MICAL3: variants seen among roughly 807,000 people sequenced by gnomAD.
MICAL3 encodes the protein microtubule associated monooxygenase, calponin and LIM domain containing 3.
MICAL3 carries 62 observed loss-of-function variants against 207.4 expected under a neutral mutation model. The ratio of observed to expected loss-of-function variants is 0.30; its 90% CI spans 0.24 to 0.37. The LOEUF is 0.37. MICAL3 is among the 10% of genes least tolerant of loss of function. The pLI is 1.00. For synonymous variants in MICAL3, 1,077 were observed against 1,069.3 expected (o/e 1.01, Z -0.14); for missense variants, 2,368 against 2,635.6 (o/e 0.90, Z 2.22).
intron 18 of MICAL3, 148 bp from the exon 19 acceptor site, chr22:17,865,134 A>G (rs1926949493): frequency 1.7e-6 from 1 of 585,196 alleles, no homozygotes; most frequent in Non-Finnish European, 2.2e-6. Flanking sequence ...TATTTAAGAG[A>G]CAGGGCCTTG....
intron 1 of MICAL3, among the ~76,000 whole-genome samples, chr22:17,996,399 G>C (rs576272072): frequency 2.6e-5 from 4 of 151,326 alleles, no homozygotes; most frequent in Non-Finnish European, 5.9e-5. Context: ...AGCCGAGGTC[G>C]TGCCACTGCA....
chr22:17,855,297 C>T (rs1925776351), intron 19 of MICAL3, among the ~76,000 whole-genome samples: 1 of 152,212 alleles, frequency 6.6e-6, no homozygotes, highest in African/African-American at 2.4e-5. Context: ...CTATCCCTAA[C>T]CCTACAGAGG....
Position 17,823,047 on chromosome 22 carries a change from C to A in MICAL3, c.3207G>T (p.Glu1069Asp), listed in dbSNP as rs748498509. The A allele has an allele frequency of 6.2e-7, 1 of 1,610,654 alleles. No homozygotes were observed. The highest frequency in any genetic ancestry group is 8.5e-7 in the Non-Finnish European group (1 of 1,176,888). ...AGTCCACATCTTCCTCTAGGTCATT[C>A]TCATCCAATGGGGCTGCAAAGCAGA... The part of the protein sequence containing the change: ...ESSASGAPLD[E>D]NDLEEDVDSE... The change falls in exon 23 of 32, where the codon GAG becomes GAT. Residue 1069 changes from glutamate to aspartate, a missense_variant. Transcript: ENST00000441493.
In MICAL3 at chr22:17,820,977, T is replaced by C. The variant is rs557761309; in HGVS notation, c.3531+450A>G. ...ATAAATTTTAATAAATTTATATTTA[T>C]AAACATAAATTTTAATAAATTTATA... On this transcript the variant is annotated intron_variant, in intron 25 of 31. Coordinates refer to ENST00000441493, the MANE Select transcript of MICAL3 (RefSeq NM_015241.3). Among the ~76,000 whole-genome samples, 237 of 145,404 alleles carry C rather than the reference T, an allele frequency of 1.6e-3. 3 individuals are homozygous for C. The highest frequency in any genetic ancestry group is 5.8e-3 in the African/African-American group (230 of 39,994).
At chr22:17,874,064 G>A (rs1193177536) in intron 16 of MICAL3, among the ~76,000 whole-genome samples, 3 of 152,206 alleles carry the variant, frequency 2.0e-5, no homozygotes, top group African/African-American at 7.2e-5. Context: ...AGAAGCACCG[G>A]GCAGGGGGAA....
intron 1 of MICAL3, among the ~76,000 whole-genome samples, chr22:17,941,759 C>T (rs537849004): frequency 4.6e-5 from 7 of 152,308 alleles, no homozygotes; most frequent in African/African-American, 1.2e-4. Flanking sequence ...GAATCACTGA[C>T]GAACTTTAAA....
chr22:17,816,922 T>A (rs1921054547), intron 26 of MICAL3, 138 bp from the exon 27 acceptor site: 2 of 709,468 alleles, frequency 2.8e-6, no homozygotes, highest in Non-Finnish European at 2.4e-6. Flanking sequence ...CCATCCCCCA[T>A]CCTGGGGAGC....
At chr22:17,792,988 C>T (rs1011442547) in intron 29 of MICAL3, among the ~76,000 whole-genome samples, 3 of 151,832 alleles carry the variant, frequency 2.0e-5, no homozygotes, top group Non-Finnish European at 2.9e-5. Context: ...CCAGTGCGCC[C>T]GGCCACGGCG....
In MICAL3 at chr22:17,967,484, A is replaced by ACC. The variant is rs1556491217; in HGVS notation, c.-75+56796_-75+56797insGG. 2.9e-3 allele frequency among the ~76,000 whole-genome samples: 389 copies of ACC among 133,880 alleles called. 1 individual carries two copies. Among genetic ancestry groups the ACC allele is most frequent in the Middle Eastern group, 8.1e-3 (2 of 246 alleles). 87.8% of individuals were successfully genotyped at this position (133,880 alleles called of 152,430 possible). On this transcript the variant is annotated intron_variant, in intron 1 of 31. Transcript: ENST00000441493. ...TGCAAACACACACACACACACACAC[A>ACC]CACACACACCCACACACACCCACTC...
chr22:17,837,733 T>A (rs534195371), intron 20 of MICAL3, among the ~76,000 whole-genome samples: 30 of 152,226 alleles, frequency 2.0e-4, no homozygotes, highest in Non-Finnish European at 3.5e-4. Flanking sequence ...GGCGCTTGTG[T>A]GACTAAACCA....
At chr22:17,904,148 G>A (rs1931542793) in intron 3 of MICAL3, among the ~76,000 whole-genome samples, 2 of 152,308 alleles carry the variant, frequency 1.3e-5, no homozygotes, top group African/African-American at 2.4e-5. Context: ...AGGGCTCTGC[G>A]CCTCCTGCAA....
intron 1 of MICAL3, among the ~76,000 whole-genome samples, chr22:17,911,922 G>T (rs1041617252): frequency 2.2e-5 from 2 of 90,258 alleles, no homozygotes; most frequent in Admixed American, 2.0e-4. Flanking sequence ...ACATGCCTCG[G>T]GCTCCTGATC....
intron 16 of MICAL3, among the ~76,000 whole-genome samples, chr22:17,875,857 G>A (rs9605421): frequency 9.2e-5 from 14 of 152,298 alleles, no homozygotes; most frequent in African/African-American, 2.9e-4. Flanking sequence ...GGGTAAGGCA[G>A]CCTGCAGGAA....
intron 29 of MICAL3, among the ~76,000 whole-genome samples, chr22:17,798,391 G>A (rs1427081842): frequency 6.6e-6 from 1 of 152,170 alleles, no homozygotes; most frequent in African/African-American, 2.4e-5. Context: ...TGCGTAGATA[G>A]AGATCATTTT....
At chr22:17,822,542 C>A (rs1449237059) in intron 23 of MICAL3, among the ~76,000 whole-genome samples, 1 of 152,236 alleles carries the variant, frequency 6.6e-6, no homozygotes, top group Non-Finnish European at 1.5e-5. Flanking sequence ...CCCTGACTGC[C>A]ACCCCAACTC....
intron 1 of MICAL3, among the ~76,000 whole-genome samples, chr22:17,977,646 T>C (rs748213244): frequency 2.4e-4 from 36 of 152,104 alleles, no homozygotes; most frequent in Non-Finnish European, 4.4e-4. Context: ...TTTGGAAAAG[T>C]TTGACAGCTC....
At chr22:17,958,500 T>C (rs189720201) in intron 1 of MICAL3, among the ~76,000 whole-genome samples, 357 of 151,836 alleles carry the variant, frequency 2.4e-3, no homozygotes, top group African/African-American at 8.3e-3. Context: ...CTCACCCTCA[T>C]CCCCCGTTAA....
At chr22:17,917,869 T>G (rs1212520569) in intron 1 of MICAL3, among the ~76,000 whole-genome samples, 1 of 152,220 alleles carries the variant, frequency 6.6e-6, no homozygotes, top group East Asian at 1.9e-4. Flanking sequence ...GTGGACACTG[T>G]GTACAAAGCA....
intron 22 of MICAL3, 35 bp downstream of exon 22, chr22:17,827,609 G>C: frequency 6.6e-7 from 1 of 1,526,184 alleles, no homozygotes; most frequent in Non-Finnish European, 8.8e-7. Flanking sequence ...GGTGGTGCTC[G>C]GGGCACACTG....
Sources: allele counts gnomAD v4.1 joint callset (sites outside exome capture counted in the v4.1 genomes callset), GRCh38; gene constraint gnomAD v4.1.1; transcripts MANE v1.5; gene names NCBI Gene and HGNC (gene_info 2026-07-23, HGNC 2026-07-21).